Variants in NRXN3 observed in about 807,000 individuals in gnomAD.
The protein encoded by NRXN3 is neurexin 3.
NRXN3 carries 32 observed loss-of-function variants against 137.6 expected under a neutral mutation model. That is an observed-to-expected ratio of 0.23 (90% CI 0.18 to 0.31). The LOEUF is 0.31. NRXN3 is among the 10% of genes least tolerant of loss of function. NRXN3 has a pLI of 1.00. For synonymous variants in NRXN3, 798 were observed against 784.5 expected, an observed-to-expected ratio of 1.02 and a Z score of -0.29; for missense variants, 1,574 against 2,062.5, an observed-to-expected ratio of 0.76 and a Z score of 4.59.
rs865847582 is a variant in NRXN3, at chr14:79,506,144, A to G, written c.3444+38742A>G. ...ATAATGTAAGATAACTACAGGAGTG[A>G]CATCCCAACACCTTTGTAATATTGG... On this transcript the variant is annotated intron_variant, in intron 16 of 20. Coordinates refer to ENST00000335750, the MANE Select transcript of NRXN3 (RefSeq NM_001330195.2). Among the ~76,000 whole-genome samples, 4 of 152,344 alleles carry G rather than the reference A, an allele frequency of 2.6e-5. No homozygotes were observed. In the Middle Eastern group the frequency reaches 0.01, roughly 389 times the overall value.
At chr14:78,690,315 A>G (rs2098160598) in intron 6 of NRXN3, among the ~76,000 whole-genome samples, 2 of 152,230 alleles carry the variant, frequency 1.3e-5, no homozygotes, top group African/African-American at 2.4e-5. Flanking sequence ...GGAGGGAGAC[A>G]TAGGAGTTGG....
chr14:79,570,465 C>G (rs1410352853), intron 16 of NRXN3: 1 of 152,220 alleles, frequency 6.6e-6, no homozygotes, highest in East Asian at 1.9e-4. Context: ...CTTTTCACTT[C>G]TATCCCTTTT....
chr14:79,447,752 C>T (rs901723224), intron 15 of NRXN3, among the ~76,000 whole-genome samples: 2 of 152,192 alleles, frequency 1.3e-5, no homozygotes, highest in Admixed American at 6.5e-5. Flanking sequence ...GTAATTTTTA[C>T]GTATCAGTCC....
intron 15 of NRXN3, among the ~76,000 whole-genome samples, chr14:79,166,836 A>T (rs1040063619): frequency 3.9e-5 from 6 of 151,984 alleles, no homozygotes; most frequent in Non-Finnish European, 4.4e-5. Context: ...CAAAGTGAAT[A>T]CACTAATCTT....
chr14:79,585,582 C>T (rs748991701), intron 16 of NRXN3, among the ~76,000 whole-genome samples: 24 of 149,372 alleles, frequency 1.6e-4, no homozygotes, highest in Non-Finnish European at 2.4e-4. Context: ...CTACTCAGGA[C>T]GCTGAGGCAG....
chr14:78,415,507 A>G (rs944930472), intron 4 of NRXN3, among the ~76,000 whole-genome samples: 2 of 152,102 alleles, frequency 1.3e-5, no homozygotes, highest in African/African-American at 4.8e-5. Context: ...TCAGCTGTGA[A>G]CTTAGCTGGG....
chr14:79,752,158 G>A (rs570148659), intron 19 of NRXN3, among the ~76,000 whole-genome samples: 3 of 152,034 alleles, frequency 2.0e-5, no homozygotes, highest in Admixed American at 6.6e-5. Flanking sequence ...TACCAGTTCC[G>A]CCTTGTACCT....
Position 78,478,802 on chromosome 14 carries a change from G to A in NRXN3, c.758-166318G>A, listed in dbSNP as rs965435063. The stretch of plus-strand genomic sequence containing the variant: ...TCTCTTCTACATTATGTGTGTTTCT[G>A]ATCTAGAGGTAGGAAGCTCATAGCT... On this transcript the variant is annotated intron_variant, in intron 4 of 20. Coordinates refer to ENST00000335750, the MANE Select transcript of NRXN3 (RefSeq NM_001330195.2). Among the ~76,000 whole-genome samples, 3 of 152,158 alleles carry A rather than the reference G, an allele frequency of 2.0e-5. No individual in the cohort carries two copies. In the South Asian group the frequency reaches 6.2e-4, roughly 32 times the overall value.
At chr14:78,717,443 A>G (rs2098439127) in intron 8 of NRXN3, among the ~76,000 whole-genome samples, 1 of 152,174 alleles carries the variant, frequency 6.6e-6, no homozygotes, top group Admixed American at 6.5e-5. Context: ...TTTGATCTAT[A>G]CATCGCTCAA....
rs529781201 is a variant in NRXN3 at position 79,380,418 on chromosome 14, G to A, written c.3263-86803G>A. Among the ~76,000 whole-genome samples, 149 of 145,736 alleles carry A rather than the reference G, an allele frequency of 1.0e-3. 1 individual carries two copies. The highest frequency in any genetic ancestry group is 3.6e-3 in the African/African-American group (139 of 38,968). ...TGTGTCCATGTGTTCTCATTGTTCAGTTCCCACCTATGAGTGAGAACATGC... is the reference window on the plus strand; with the variant it reads ...TGTGTCCATGTGTTCTCATTGTTCAATTCCCACCTATGAGTGAGAACATGC... On this transcript the variant is annotated intron_variant, in intron 15 of 20. Coordinates refer to ENST00000335750, the MANE Select transcript of NRXN3 (RefSeq NM_001330195.2).
At chr14:79,612,447 A>G (rs1190320825) in intron 16 of NRXN3, among the ~76,000 whole-genome samples, 1 of 152,196 alleles carries the variant, frequency 6.6e-6, no homozygotes, top group Middle Eastern at 3.2e-3. Flanking sequence ...AGGGGAAAGG[A>G]CAGCCAGCCA....
At chr14:79,828,811 T>G (rs904294030) in intron 20 of NRXN3, among the ~76,000 whole-genome samples, 1 of 152,028 alleles carries the variant, frequency 6.6e-6, no homozygotes, top group Admixed American at 6.6e-5. Flanking sequence ...TACAGCCTGA[T>G]TGAGAGAGAC....
chr14:78,524,237 A>C (rs1214930199), intron 4 of NRXN3, among the ~76,000 whole-genome samples: 19 of 152,178 alleles, frequency 1.2e-4, no homozygotes, highest in Admixed American at 1.2e-3. Flanking sequence ...TTCTACCTGC[A>C]TGTGGAGTTC....
intron 19 of NRXN3, among the ~76,000 whole-genome samples, chr14:79,798,317 A>G (rs554222207): frequency 6.2e-4 from 94 of 152,356 alleles, no homozygotes; most frequent in Non-Finnish European, 1.2e-3. Flanking sequence ...TAAATAGAGA[A>G]TGAACATTCA....
intron 16 of NRXN3, among the ~76,000 whole-genome samples, chr14:79,634,858 C>T (rs1336622589): frequency 6.6e-6 from 1 of 152,206 alleles, no homozygotes; most frequent in Non-Finnish European, 1.5e-5. Flanking sequence ...AATCATTACA[C>T]TACTCTGTAA....
chr14:79,084,809 G>T (rs2047782870), intron 15 of NRXN3, among the ~76,000 whole-genome samples: 1 of 152,052 alleles, frequency 6.6e-6, no homozygotes, highest in African/African-American at 2.4e-5. Flanking sequence ...TCAGTGAGTT[G>T]GTCCCTTCTG....
At position 79,311,577 on chromosome 14, in the gene NRXN3, G is replaced by A. The variant is rs1257171262; in HGVS notation, c.3263-155644G>A. ...TCCATCTGGTCCTGGACTCTTTTTG[G>A]TTGGTAAACTATTGATTATTGCCAC... On this transcript the variant is annotated intron_variant, in intron 15 of 20. Coordinates refer to ENST00000335750, the MANE Select transcript of NRXN3 (RefSeq NM_001330195.2). Among the ~76,000 whole-genome samples the A allele has an allele frequency of 2.5e-5, 3 of 119,628 alleles. 1 individual carries two copies. 78.5% of individuals were successfully genotyped at this position (119,628 alleles called of 152,430 possible). A position where few individuals can be genotyped will look rare whatever the true frequency, so the allele number is the denominator to read the frequency against.
At chr14:78,202,663 A>C (rs1181413129) in intron 1 of NRXN3, among the ~76,000 whole-genome samples, 1 of 151,876 alleles carries the variant, frequency 6.6e-6, no homozygotes, top group Non-Finnish European at 1.5e-5. Flanking sequence ...ATCAAGGCCA[A>C]CCCCTCACTG....
In NRXN3 at chr14:78,726,515, C is replaced by CTTTTTTTTTTT. The variant is rs71452901; in HGVS notation, c.2044+11386_2044+11396dup. The stretch of plus-strand genomic sequence containing the variant: ...CATAACATAACATTTACCATTTTAG[C>CTTTTTTTTTTT]TTTTTTTTTTTTTTTTTTTTGAGAG... On this transcript the variant is annotated intron_variant, in intron 8 of 20. Coordinates refer to ENST00000335750, the MANE Select transcript of NRXN3 (RefSeq NM_001330195.2). Among the ~76,000 whole-genome samples the CTTTTTTTTTTT allele has an allele frequency of 1.7e-4, 17 of 102,450 alleles. 2 individuals carry two copies. Among genetic ancestry groups the CTTTTTTTTTTT allele is most frequent in the Non-Finnish European group, 2.6e-4 (14 of 54,826 alleles). The allele number at this position is 102,450 out of a possible 152,430, so 67.2% of individuals were successfully genotyped here.
Sources: gnomAD v4.1 joint callset for allele counts (sites outside exome capture counted in the v4.1 genomes callset) on GRCh38, gnomAD v4.1.1 for gene constraint, MANE v1.5 for transcripts, NCBI Gene and HGNC (gene_info 2026-07-23, HGNC 2026-07-21) for gene names.